MICU1: variants seen among roughly 807,000 people sequenced by gnomAD.
MICU1 encodes calcium uptake protein 1, mitochondrial.
Under a neutral mutation model 56.8 loss-of-function variants are expected in MICU1, and 45 were observed. The ratio of observed to expected loss-of-function variants is 0.79; its 90% CI spans 0.62 to 1.02. The LOEUF (loss-of-function observed/expected upper bound fraction) is 1.02, where lower values mean the gene tolerates loss of function less well. MICU1 is among the 50% of genes least tolerant of loss of function. MICU1 has a pLI of 0.00. For missense variants in MICU1, 504 were observed against 587.1 expected, an observed-to-expected ratio of 0.86 and a Z score of 1.46; for synonymous variants, 186 against 195.1, an observed-to-expected ratio of 0.95 and a Z score of 0.39.
chr10:72,442,647 A>G (rs1047420051), intron 8 of MICU1, among the ~76,000 whole-genome samples: 2 of 152,150 alleles, frequency 1.3e-5, no homozygotes, highest in African/African-American at 4.8e-5. Flanking sequence ...ATCTATTTGT[A>G]CAAATGCCCT....
At chr10:72,395,445 A>G (rs545963224) in intron 10 of MICU1, among the ~76,000 whole-genome samples, 176 of 152,314 alleles carry the variant, frequency 1.2e-3, no homozygotes, top group African/African-American at 4.1e-3. Flanking sequence ...CAGTGGGTGC[A>G]GCCCACGGAG....
At chr10:72,608,360 C>G (rs751658614) in intron 1 of MICU1, among the ~76,000 whole-genome samples, 15 of 152,322 alleles carry the variant, frequency 9.8e-5, no homozygotes, top group Non-Finnish European at 1.8e-4. Flanking sequence ...GTGTGAGCCA[C>G]CTCTCCTGGC....
At position 72,368,473 on chromosome 10, in the gene MICU1, C is replaced by T. The variant is rs76153463; in HGVS notation, c.1271-118G>A. The stretch of plus-strand genomic sequence containing the variant: ...AGCCCAGACATTCTCCACAGCCAAA[C>T]TCAATTCTCTTATCCTAGAATTCAT... On this transcript the variant is annotated intron_variant, in intron 11 of 11. Coordinates refer to ENST00000361114, the MANE Select transcript of MICU1 (RefSeq NM_001195518.2). 3.8e-3 allele frequency: 4,043 copies of T among 1,066,056 alleles called. 94 individuals carry two copies. The African/African-American group carries it at 0.055, about 15-fold the overall frequency. 66.0% of individuals were successfully genotyped at this position (1,066,056 alleles called of 1,614,324 possible).
rs1359925271 is a variant in MICU1, at chr10:72,418,986, CA to C, written c.1071+4247del. 2.0e-5 allele frequency among the ~76,000 whole-genome samples: 3 copies of C among 152,314 alleles called. No homozygotes were observed. The East Asian group carries it at 5.8e-4, about 29-fold the overall frequency. On this transcript the variant is annotated intron_variant, in intron 9 of 11. Transcript: ENST00000361114. ...AACACCGCAGATTTTCATCATCTGACAAAATTTGTCCTTTCATTTTAGAGCT... is the reference window on the plus strand; with the variant it reads ...AACACCGCAGATTTTCATCATCTGACAAATTTGTCCTTTCATTTTAGAGCT...
chr10:72,416,734 G>A (rs761171140), intron 9 of MICU1, among the ~76,000 whole-genome samples: 2 of 152,072 alleles, frequency 1.3e-5, no homozygotes, highest in African/African-American at 4.8e-5. Context: ...GGCCAAGTTC[G>A]AATTGTACTT....
chr10:72,567,029 T>C (rs1481094209), intron 1 of MICU1, among the ~76,000 whole-genome samples: 1 of 152,188 alleles, frequency 6.6e-6, no homozygotes, highest in East Asian at 1.9e-4. Context: ...AACCACATGA[T>C]AATTTGAGTA....
chr10:72,576,613 G>C (rs981984352), intron 1 of MICU1, among the ~76,000 whole-genome samples: 1 of 152,330 alleles, frequency 6.6e-6, no homozygotes, highest in Middle Eastern at 3.4e-3. Context: ...AACATAAAAG[G>C]TGCAAGGTGA....
chr10:72,536,507 C>T (rs554632415), intron 4 of MICU1, among the ~76,000 whole-genome samples: 9 of 151,820 alleles, frequency 5.9e-5, no homozygotes, highest in East Asian at 5.8e-4. Context: ...CCACCATGCC[C>T]GGCTAATTTT....
chr10:72,386,257 C>A lies in MICU1; in HGVS notation c.1181-10385G>T, dbSNP rs187478509. Among the ~76,000 whole-genome samples the A allele has an allele frequency of 1.1e-3, 170 of 152,284 alleles. 1 individual carries two copies. The highest frequency in any genetic ancestry group is 3.9e-3 in the African/African-American group (162 of 41,560). On this transcript the variant is annotated intron_variant, in intron 10 of 11. Transcript: ENST00000361114. ...AGTACAGTGGCGTGATCTTGGCTCA[C>A]TACAACCTCTGCCTCCCGGGTTCAA...
chr10:72,559,942 T>C (rs765188484), intron 3 of MICU1, among the ~76,000 whole-genome samples: 2 of 152,188 alleles, frequency 1.3e-5, no homozygotes, highest in Non-Finnish European at 2.9e-5. Flanking sequence ...TTAGGTTGTG[T>C]GCGTTATGAG....
intron 6 of MICU1, among the ~76,000 whole-genome samples, chr10:72,506,867 A>G (rs1435726270): frequency 2.0e-5 from 3 of 152,190 alleles, no homozygotes; most frequent in Admixed American, 2.0e-4. Flanking sequence ...TTGGATTTTC[A>G]TAACAAATCA....
At chr10:72,545,892 AGT>A (rs1208212867) in intron 4 of MICU1, among the ~76,000 whole-genome samples, 2 of 152,228 alleles carry the variant, frequency 1.3e-5, no homozygotes, top group African/African-American at 4.8e-5. Context: ...ATGCTATACT[AGT>A]CAGGCTGGAA....
chr10:72,613,962 T>G (rs1841917297), intron 1 of MICU1, among the ~76,000 whole-genome samples: 1 of 152,144 alleles, frequency 6.6e-6, no homozygotes, highest in Admixed American at 6.6e-5. Context: ...CTGGCCAATG[T>G]GGCGAAACCC....
chr10:72,397,371 C>T (rs1863303558), intron 10 of MICU1, among the ~76,000 whole-genome samples: 4 of 152,288 alleles, frequency 2.6e-5, no homozygotes, highest in African/African-American at 9.6e-5. Flanking sequence ...GAAACTGCAT[C>T]AATTAATGGG....
At chr10:72,524,412 G>C (rs1432842990) in intron 5 of MICU1, among the ~76,000 whole-genome samples, 1 of 152,090 alleles carries the variant, frequency 6.6e-6, no homozygotes, top group Non-Finnish European at 1.5e-5. Flanking sequence ...CTCCAAGTAA[G>C]ACTATTTAAG....
intron 6 of MICU1, among the ~76,000 whole-genome samples, chr10:72,500,426 G>A (rs188681722): frequency 6.8e-6 from 1 of 146,402 alleles, no homozygotes; most frequent in East Asian, 2.1e-4. Context: ...AGGTTCAAGC[G>A]ATTCTTGTTT....
intron 3 of MICU1, among the ~76,000 whole-genome samples, chr10:72,561,786 G>T (rs192551907): frequency 6.6e-6 from 1 of 152,276 alleles, no homozygotes; most frequent in Non-Finnish European, 1.5e-5. Flanking sequence ...ACTCTAGCCT[G>T]GGCAACAGAG....
intron 1 of MICU1, among the ~76,000 whole-genome samples, chr10:72,590,321 T>C (rs1347025600): frequency 1.3e-5 from 2 of 152,180 alleles, no homozygotes; most frequent in African/African-American, 4.8e-5. Context: ...AAGCACATTA[T>C]ATATCAATAA....
chr10:72,419,043 C>T (rs961674792), intron 9 of MICU1, among the ~76,000 whole-genome samples: 3 of 152,206 alleles, frequency 2.0e-5, no homozygotes, highest in African/African-American at 7.2e-5. Flanking sequence ...CCTAAATTAA[C>T]TCCTGCCAAT....
Sources: allele counts gnomAD v4.1 joint callset (sites outside exome capture counted in the v4.1 genomes callset), GRCh38; gene constraint gnomAD v4.1.1; transcripts MANE v1.5; gene names NCBI Gene and HGNC (gene_info 2026-07-23, HGNC 2026-07-21).